MLLT1: variants seen among roughly 807,000 people sequenced by gnomAD.
MLLT1 encodes the protein MLLT1 super elongation complex subunit.
MLLT1 carries 11 observed loss-of-function variants against 55.1 expected under a neutral mutation model. The ratio of observed to expected loss-of-function variants is 0.20; its 90% confidence interval spans 0.13 to 0.33. The LOEUF (loss-of-function observed/expected upper bound fraction) is 0.33, where lower values mean the gene tolerates loss of function less well. MLLT1 is among the 10% of genes least tolerant of loss of function. The pLI is 1.00. For missense variants in MLLT1, 536 were observed against 760.6 expected, an observed-to-expected ratio of 0.70 and a Z score of 3.47; for synonymous variants, 323 against 320.1, an observed-to-expected ratio of 1.01 and a Z score of -0.10.
At chr19:6,249,932 G>C (rs2091199441) in intron 3 of MLLT1, among the ~76,000 whole-genome samples, 1 of 152,038 alleles carries the variant, frequency 6.6e-6, no homozygotes, top group Admixed American at 6.6e-5. Context: ...TGAGGTGGGA[G>C]GATTGCTTGA....
intron 3 of MLLT1, among the ~76,000 whole-genome samples, chr19:6,250,321 A>G (rs1339003330): frequency 6.6e-6 from 1 of 152,194 alleles, no homozygotes; most frequent in African/African-American, 2.4e-5. Context: ...TGCTAGTGGC[A>G]ATATAAAATG....
Position 6,227,177 on chromosome 19 carries a change from T to C in MLLT1, c.421-75A>G, listed in dbSNP as rs566584661. The C allele has an allele frequency of 1.1e-5, 16 of 1,478,606 alleles. No individual in the cohort carries two copies. The Admixed American group carries it at 3.3e-4, about 31-fold the overall frequency. 91.6% of individuals were successfully genotyped at this position (1,478,606 alleles called of 1,614,324 possible). On this transcript the variant is annotated intron_variant, in intron 4 of 11. Coordinates refer to ENST00000252674, the MANE Select transcript of MLLT1 (RefSeq NM_005934.4). This position sits in a 1 kb window ranked among gnomAD's most constrained non-coding sequence, Gnocchi z 5.1. The stretch of plus-strand genomic sequence containing the variant: ...CCCACACGGGCCGGGCTGAAGGTGG[T>C]GGGGCTTCCCTCTGCAGGAGGGGAG...
chr19:6,255,505 C>G (rs1458562583), intron 3 of MLLT1, among the ~76,000 whole-genome samples: 1 of 151,524 alleles, frequency 6.6e-6, no homozygotes, highest in East Asian at 1.9e-4. Context: ...CAAAACAAGG[C>G]AAAAAAACCT....
intron 3 of MLLT1, among the ~76,000 whole-genome samples, chr19:6,237,515 T>C (rs1430635324): frequency 6.7e-6 from 1 of 150,372 alleles, no homozygotes; most frequent in Non-Finnish European, 1.5e-5. Flanking sequence ...CCCATCACTT[T>C]GGGAGGCCGA....
At chr19:6,241,448 A>G (rs1345721105) in intron 3 of MLLT1, among the ~76,000 whole-genome samples, 1 of 151,950 alleles carries the variant, frequency 6.6e-6, no homozygotes, top group South Asian at 2.1e-4. Flanking sequence ...AGAAGCCAGG[A>G]AAGAATTTTA....
At chr19:6,265,059 A>AAAAC (rs2091337909) in intron 2 of MLLT1, among the ~76,000 whole-genome samples, 1 of 138,978 alleles carries the variant, frequency 7.2e-6, no homozygotes, top group Non-Finnish European at 1.6e-5. Context: ...CAAAAAAACA[A>AAAAC]AAAAACAAAA....
intron 1 of MLLT1, among the ~76,000 whole-genome samples, chr19:6,271,369 C>G (rs1236989168): frequency 3.9e-5 from 6 of 152,212 alleles, no homozygotes; most frequent in Non-Finnish European, 8.8e-5. Flanking sequence ...AAGTCATCAG[C>G]TACAACACTG....
chr19:6,221,380 G>A (rs951313850), intron 6 of MLLT1, among the ~76,000 whole-genome samples: 1 of 152,252 alleles, frequency 6.6e-6, no homozygotes, highest in South Asian at 2.1e-4. Context: ...AGACCATGAG[G>A]TGGCTACCAG....
chr19:6,260,804 C>T (rs1172424414), intron 3 of MLLT1, among the ~76,000 whole-genome samples: 1 of 152,242 alleles, frequency 6.6e-6, no homozygotes, highest in African/African-American at 2.4e-5. Flanking sequence ...TATGATTGCA[C>T]CACTGCGCTC....
In MLLT1 at chr19:6,211,933, GCCTGGGAGGGCCAGCCCGGCCAACC is replaced by G. The variant is rs1230881173; in HGVS notation, c.*1084_*1108del. ...CAGGCCGCGACCAGAGAGAAAGGCA[GCCTGGGAGGGCCAGCCCGGCCAACC>G]CACCGGGCCTGCTGATGGCCGAGCC... On this transcript the variant is annotated 3_prime_UTR_variant, in exon 12 of 12. Transcript: ENST00000252674. The surrounding 1 kb of genome is among the most constrained non-coding windows in gnomAD (Gnocchi z 4.6). 9.4e-7 allele frequency: 1 copy of G among 1,065,216 alleles called. No individual in the cohort carries two copies. Among genetic ancestry groups the G allele is most frequent in the Admixed American group, 5.3e-5 (1 of 18,728 alleles). The allele number at this position is 1,065,216 out of a possible 1,614,324, so 66.0% of individuals were successfully genotyped here.
Position 6,218,022 on chromosome 19 carries a change from G to A in MLLT1, c.1130C>T (p.Ser377Phe), listed in dbSNP as rs2090862122. ...FKSESAQSSPSNSSSSSDSSS... is the reference protein window; with the variant it reads ...FKSESAQSSPFNSSSSSDSSS... ...GGAGTCTGAGCTGGAGCTGGAGTTG[G>A]ACGGGCTTGACTGGGCAGACTTCAC... The change falls in exon 7 of 12, where the codon TCC becomes TTC. Residue 377 changes from serine to phenylalanine, a missense_variant. By Grantham distance (155) the Ser-to-Phe change is radical (BLOSUM62 -2). Transcript: ENST00000252674. The A allele has an allele frequency of 1.9e-6, 3 of 1,610,458 alleles. No homozygotes were observed. The highest frequency in any genetic ancestry group is 2.5e-6 in the Non-Finnish European group (3 of 1,178,288).
At chr19:6,260,970 G>A (rs559870382) in intron 3 of MLLT1, among the ~76,000 whole-genome samples, 14 of 152,326 alleles carry the variant, frequency 9.2e-5, no homozygotes, top group South Asian at 2.1e-4. Flanking sequence ...CAGCCCACCC[G>A]CTAGAATACC....
intron 1 of MLLT1, among the ~76,000 whole-genome samples, chr19:6,274,023 C>A (rs1182054262): frequency 6.6e-6 from 1 of 152,262 alleles, no homozygotes; most frequent in Non-Finnish European, 1.5e-5. Flanking sequence ...TTGCAGCCGG[C>A]AGGCCGGGCC....
intron 3 of MLLT1, among the ~76,000 whole-genome samples, chr19:6,236,079 C>T (rs1290180033): frequency 6.6e-6 from 1 of 152,194 alleles, no homozygotes; most frequent in Non-Finnish European, 1.5e-5. Flanking sequence ...CTGAACATCC[C>T]TAAATACTCA....
At chr19:6,220,434 G>A (rs1220484655) in intron 6 of MLLT1, among the ~76,000 whole-genome samples, 1 of 152,232 alleles carries the variant, frequency 6.6e-6, no homozygotes, top group East Asian at 1.9e-4. Context: ...CGGCCAGGAG[G>A]AAGTCCCAAA....
intron 3 of MLLT1, among the ~76,000 whole-genome samples, chr19:6,248,027 A>G (rs1448370889): frequency 6.6e-6 from 1 of 152,154 alleles, no homozygotes; most frequent in Non-Finnish European, 1.5e-5. Context: ...GGTAGCTGGA[A>G]CTACAGGCGT....
Position 6,214,019 on chromosome 19 carries a change from C to T in MLLT1, c.1327G>A (p.Glu443Lys), listed in dbSNP as rs749861795. 1.0e-5 allele frequency: 15 copies of T among 1,444,988 alleles called. No homozygotes were observed. The highest frequency in any genetic ancestry group is 1.3e-5 in the Non-Finnish European group (14 of 1,100,406). The allele number at this position is 1,444,988 out of a possible 1,614,324, so 89.5% of individuals were successfully genotyped here. A position where few individuals can be genotyped will look rare whatever the true frequency, so the allele number is the denominator to read the frequency against. The stretch of plus-strand genomic sequence containing the variant: ...GAGGAGTCGGCGCTGTTGTCACTCT[C>T]GCTGTCGCTGAAGCTCAACCTGAAC... ...RDSRLSFSDSESDNSADSSLP... is the reference protein window; with the variant it reads ...RDSRLSFSDSKSDNSADSSLP... Residue 443 changes from glutamate to lysine, a missense_variant, in exon 9 of 12, where the codon GAG becomes AAG. Physicochemically the swap from Glu to Lys is moderately conservative, Grantham distance 56 (BLOSUM62 1). Coordinates refer to ENST00000252674, the MANE Select transcript of MLLT1 (RefSeq NM_005934.4).
In MLLT1 at chr19:6,212,668, C is replaced by T. The variant is rs1018229586; in HGVS notation, c.*374G>A. On this transcript the variant is annotated 3_prime_UTR_variant, in exon 12 of 12. Coordinates refer to ENST00000252674, the MANE Select transcript of MLLT1 (RefSeq NM_005934.4). Reference sequence around the variant, plus strand: ...TGGAGATGCCCCCCAGCCGTCGATCCGCTGCTCAGAAAGGCTGGGGCAGCG... The same window carrying T: ...TGGAGATGCCCCCCAGCCGTCGATCTGCTGCTCAGAAAGGCTGGGGCAGCG... 11 of 1,108,878 alleles carry T rather than the reference C, an allele frequency of 9.9e-6. No homozygotes were observed. The highest frequency in any genetic ancestry group is 1.1e-5 in the Non-Finnish European group (10 of 908,906). The allele number at this position is 1,108,878 out of a possible 1,614,324, so 68.7% of individuals were successfully genotyped here. A position where few individuals can be genotyped will look rare whatever the true frequency, so the allele number is the denominator to read the frequency against.
At chr19:6,253,001 C>T (rs559252706) in intron 3 of MLLT1, among the ~76,000 whole-genome samples, 22 of 152,016 alleles carry the variant, frequency 1.4e-4, no homozygotes, top group African/African-American at 5.1e-4. Context: ...TGGTGGCTCA[C>T]GACTGTAATC....
Sources: allele counts gnomAD v4.1 joint callset (sites outside exome capture counted in the v4.1 genomes callset), GRCh38; gene constraint gnomAD v4.1.1; non-coding constraint Gnocchi (gnomAD v3.1); transcripts MANE v1.5; gene names NCBI Gene and HGNC (gene_info 2026-07-23, HGNC 2026-07-21).